Variants in DRC8 observed in about 807,000 individuals in gnomAD.
DRC8 encodes dynein regulatory complex protein 8.
At chr1:245,001,505 A>G in the DRC8 span, among the ~76,000 whole-genome samples, 8 of 152,168 alleles carry the variant, frequency 5.3e-5, no homozygotes, top group Non-Finnish European at 8.8e-5. Context: ...GGTGGTTCAC[A>G]TGTAACTGGC....
chr1:245,083,617 C>A, the DRC8 span: 1 of 1,605,756 alleles, frequency 6.2e-7, no homozygotes, highest in East Asian at 2.2e-5. Context: ...TTTCTTTTCC[C>A]CTAGGTTTTA....
the DRC8 span, among the ~76,000 whole-genome samples, chr1:245,089,413 G>A: frequency 6.6e-6 from 1 of 152,088 alleles, no homozygotes; most frequent in Admixed American, 6.6e-5. The surrounding 1 kb of genome is among the most constrained non-coding windows in gnomAD (Gnocchi z 4.8). Flanking sequence ...GCATTTACGG[G>A]AAGGCAGAGG....
chr1:245,005,087 T>C, the DRC8 span, among the ~76,000 whole-genome samples: 9 of 152,214 alleles, frequency 5.9e-5, no homozygotes, highest in Non-Finnish European at 1.2e-4. Context: ...TTATGGTGAT[T>C]GGTTTTCATA....
At chr1:245,102,577 T>A in the DRC8 span, among the ~76,000 whole-genome samples, 1 of 152,154 alleles carries the variant, frequency 6.6e-6, no homozygotes, top group African/African-American at 2.4e-5. Flanking sequence ...CTCAAACTCC[T>A]GACCTCAGGT....
At chr1:244,979,916 T>C in the DRC8 span, among the ~76,000 whole-genome samples, 1 of 151,246 alleles carries the variant, frequency 6.6e-6, no homozygotes, top group South Asian at 2.1e-4. Context: ...TTAAAAGTTT[T>C]TAACAAGGCC....
the DRC8 span, among the ~76,000 whole-genome samples, chr1:245,056,515 C>T: frequency 6.6e-6 from 1 of 152,224 alleles, no homozygotes; most frequent in African/African-American, 2.4e-5. Context: ...GCTCTCTTCT[C>T]AGTCTGACTC....
the DRC8 span, among the ~76,000 whole-genome samples, chr1:244,994,451 A>G: frequency 3.3e-5 from 5 of 151,966 alleles, no homozygotes; most frequent in South Asian, 4.1e-4. Context: ...TTTTTCTTAG[A>G]TGGAGTCTTG....
the DRC8 span, among the ~76,000 whole-genome samples, chr1:245,076,992 TG>T: frequency 5.3e-5 from 8 of 152,180 alleles, no homozygotes; most frequent in Non-Finnish European, 1.2e-4. Flanking sequence ...CCCAAAGTGC[TG>T]GGATTACAGG....
the DRC8 span, among the ~76,000 whole-genome samples, chr1:245,033,605 T>C: frequency 6.6e-6 from 1 of 152,256 alleles, no homozygotes; most frequent in Non-Finnish European, 1.5e-5. Flanking sequence ...ATTTCACTTC[T>C]ATCTCTCCGT....
chr1:244,991,185 T>C, the DRC8 span, among the ~76,000 whole-genome samples: 1 of 152,338 alleles, frequency 6.6e-6, no homozygotes, highest in African/African-American at 2.4e-5. Flanking sequence ...GGAAACACTT[T>C]GTTTAACATT....
the DRC8 span, among the ~76,000 whole-genome samples, chr1:244,989,413 C>T: frequency 6.6e-6 from 1 of 152,036 alleles, no homozygotes; most frequent in African/African-American, 2.4e-5. Context: ...TTAATGACCT[C>T]CTTGACAGTT....
chr1:245,037,335 G>C, the DRC8 span, among the ~76,000 whole-genome samples: 1 of 152,116 alleles, frequency 6.6e-6, no homozygotes, highest in Non-Finnish European at 1.5e-5. Flanking sequence ...TTCTGTGTTG[G>C]GAAGTTTATT....
At chr1:245,023,865 CTATT>C in the DRC8 span, among the ~76,000 whole-genome samples, 1 of 152,020 alleles carries the variant, frequency 6.6e-6, no homozygotes, top group Non-Finnish European at 1.5e-5. Context: ...TATATCTTGA[CTATT>C]TATTAATATA....
chr1:244,994,484 C>T, the DRC8 span, among the ~76,000 whole-genome samples: 3 of 152,082 alleles, frequency 2.0e-5, no homozygotes, highest in African/African-American at 4.8e-5. Context: ...GGCTGGAGTG[C>T]AGTGGCACAA....
chr1:245,099,906 G>A, the DRC8 span, among the ~76,000 whole-genome samples: 26 of 152,196 alleles, frequency 1.7e-4, no homozygotes, highest in East Asian at 3.9e-3. Flanking sequence ...CACCCTCCCC[G>A]CCGGCCATCA....
At chr1:244,998,277 C>T in the DRC8 span, among the ~76,000 whole-genome samples, 3 of 152,132 alleles carry the variant, frequency 2.0e-5, no homozygotes, top group Non-Finnish European at 4.4e-5. Context: ...GATGCGATCA[C>T]AGCTCACTGC....
chr1:245,086,683 C>G, the DRC8 span: 1 of 529,654 alleles, frequency 1.9e-6, no homozygotes, highest in South Asian at 1.4e-5. Context: ...TGTTCTAAGT[C>G]CCATTCAAAT....
chr1:245,052,094 G>C, the DRC8 span, among the ~76,000 whole-genome samples: 1 of 152,134 alleles, frequency 6.6e-6, no homozygotes, highest in Admixed American at 6.6e-5. Context: ...AAGGGAGGGA[G>C]TACTTTGGAG....
chr1:244,994,064 C>G, the DRC8 span, among the ~76,000 whole-genome samples: 1 of 152,114 alleles, frequency 6.6e-6, no homozygotes, highest in Non-Finnish European at 1.5e-5. Context: ...GATTAGGACT[C>G]AGTCTTACTG....
Sources: gnomAD v4.1 joint callset for allele counts (sites outside exome capture counted in the v4.1 genomes callset) on GRCh38, gnomAD v4.1.1 for gene constraint, Gnocchi (gnomAD v3.1) non-coding constraint, MANE v1.5 for transcripts, NCBI Gene and HGNC (gene_info 2026-07-23, HGNC 2026-07-21) for gene names.